Variants in LAMA2 observed in about 807,000 individuals in gnomAD.
LAMA2 encodes the protein laminin subunit alpha 2, also known as laminin subunit alpha-2.
In LAMA2, 269 loss-of-function variants were observed where a neutral mutation model predicts 364.8. The ratio of observed to expected loss-of-function variants is 0.74; its 90% CI spans 0.67 to 0.82. The LOEUF (loss-of-function observed/expected upper bound fraction) is 0.82, where lower values mean the gene tolerates loss of function less well. Ranked by LOEUF, LAMA2 falls within the 40% of genes least tolerant of loss-of-function variation. The pLI is 0.00. For synonymous variants in LAMA2, 1,379 were observed against 1,370.6 expected, an observed-to-expected ratio of 1.01 and a Z score of -0.14; for missense variants, 3,807 against 3,873.2, an observed-to-expected ratio of 0.98 and a Z score of 0.45.
intron 1 of LAMA2, among the ~76,000 whole-genome samples, chr6:129,018,212 G>T (rs965949828): frequency 1.3e-5 from 2 of 151,940 alleles, no homozygotes; most frequent in Non-Finnish European, 2.9e-5. Context: ...GGAAACAAAA[G>T]AAGTATTTTA....
intron 32 of LAMA2, among the ~76,000 whole-genome samples, chr6:129,358,040 G>C (rs1487082437): frequency 6.6e-6 from 1 of 151,966 alleles, no homozygotes; most frequent in Admixed American, 6.6e-5. Context: ...TTATTTGAAA[G>C]GACAGTAAGT....
intron 4 of LAMA2, among the ~76,000 whole-genome samples, chr6:129,104,489 A>G (rs559834633): frequency 6.6e-6 from 1 of 152,322 alleles, no homozygotes; most frequent in Non-Finnish European, 1.5e-5. Context: ...CACTTGTCTA[A>G]AGAATTTTTG....
At chr6:129,449,749 T>TG (rs1782571944) in intron 45 of LAMA2, among the ~76,000 whole-genome samples, 1 of 151,972 alleles carries the variant, frequency 6.6e-6, no homozygotes, top group South Asian at 2.1e-4. Context: ...CTCTTAGACT[T>TG]GGAGTTCTCA....
intron 12 of LAMA2, among the ~76,000 whole-genome samples, chr6:129,205,307 G>A (rs938732021): frequency 1.3e-5 from 2 of 151,080 alleles, no homozygotes; most frequent in African/African-American, 2.4e-5. Flanking sequence ...CAGGAGAATC[G>A]CTTGAATCCA....
chr6:129,177,694 A>T lies in LAMA2; in HGVS notation c.1307-12A>T. 1 of 1,613,646 alleles carries T rather than the reference A, an allele frequency of 6.2e-7. No individual in the cohort carries two copies. The highest frequency in any genetic ancestry group is 8.5e-7 in the Non-Finnish European group (1 of 1,179,674). On this transcript the variant is annotated splice_polypyrimidine_tract_variant and intron_variant, in intron 9 of 64. Coordinates refer to ENST00000421865, the MANE Select transcript of LAMA2 (RefSeq NM_000426.4). ...TTTTAGAAATGTTGATATGTGGCTC[A>T]TCTTTCTTTAGGTTTGGCACCTGGA...
chr6:129,346,410 T>A (rs749929724), intron 30 of LAMA2, among the ~76,000 whole-genome samples: 13 of 152,226 alleles, frequency 8.5e-5, no homozygotes, highest in Non-Finnish European at 1.9e-4. Context: ...TAGCACAGAA[T>A]GTATTTTGTA....
At chr6:129,441,913 G>T (rs1782133679) in intron 43 of LAMA2, among the ~76,000 whole-genome samples, 1 of 152,118 alleles carries the variant, frequency 6.6e-6, no homozygotes, top group African/African-American at 2.4e-5. Context: ...AACCCAGAAG[G>T]GTGAGGCTGC....
chr6:129,108,033 C>A (rs950971204), intron 4 of LAMA2, among the ~76,000 whole-genome samples: 3 of 152,000 alleles, frequency 2.0e-5, no homozygotes, highest in Non-Finnish European at 4.4e-5. Flanking sequence ...TAAAAAAATT[C>A]TTTACCTTTT....
rs3062342 is a variant in LAMA2, at chr6:129,314,398, C to CAAAAAAAAA, written c.3412-244_3412-236dup. Among the ~76,000 whole-genome samples the CAAAAAAAAA allele has an allele frequency of 6.0e-4, 49 of 81,864 alleles. 1 individual carries two copies. Among genetic ancestry groups the CAAAAAAAAA allele is most frequent in the African/African-American group, 2.5e-3 (46 of 18,194 alleles). 53.7% of individuals were successfully genotyped at this position (81,864 alleles called of 152,430 possible). A position where few individuals can be genotyped will look rare whatever the true frequency, so the allele number is the denominator to read the frequency against. ...TGGGCGAAAGAGCGAGACTCCGTCT[C>CAAAAAAAAA]AAAAAAAAAAAAAAAAAAAAAGTAC... On this transcript the variant is annotated intron_variant, in intron 23 of 64. Coordinates refer to ENST00000421865, the MANE Select transcript of LAMA2 (RefSeq NM_000426.4).
intron 41 of LAMA2, among the ~76,000 whole-genome samples, chr6:129,433,274 G>A (rs2114751704): frequency 6.6e-6 from 1 of 152,268 alleles, no homozygotes; most frequent in South Asian, 2.1e-4. Context: ...ACAAAGATTG[G>A]GTGTAGCAAC....
chr6:129,404,507 T>A (rs1203811083), intron 40 of LAMA2, among the ~76,000 whole-genome samples: 2 of 152,182 alleles, frequency 1.3e-5, no homozygotes, highest in Non-Finnish European at 2.9e-5. Context: ...AACAAGTATT[T>A]TAGAGTTTGG....
At chr6:129,270,772 A>G in intron 17 of LAMA2, 21 bp downstream of exon 17, 1 of 1,611,256 alleles carries the variant, frequency 6.2e-7, no homozygotes, top group Non-Finnish European at 8.5e-7. Context: ...AACTTACCCC[A>G]TGAATAAGCT....
chr6:129,437,569 A>G (rs2114759161), intron 41 of LAMA2, among the ~76,000 whole-genome samples: 1 of 152,210 alleles, frequency 6.6e-6, no homozygotes, highest in South Asian at 2.1e-4. Flanking sequence ...ATTAGTACGC[A>G]TGTCCCAAAA....
chr6:129,408,627 C>T (rs1478967223), intron 40 of LAMA2, among the ~76,000 whole-genome samples: 4 of 152,178 alleles, frequency 2.6e-5, no homozygotes, highest in African/African-American at 7.2e-5. Flanking sequence ...ATATAATCAA[C>T]CTGCCACCAA....
At chr6:129,134,153 C>T (rs1047299237) in intron 4 of LAMA2, among the ~76,000 whole-genome samples, 5 of 152,140 alleles carry the variant, frequency 3.3e-5, no homozygotes, top group African/African-American at 4.8e-5. Context: ...CTGATTGTTC[C>T]GTCTCACCAA....
chr6:129,370,257 G>A (rs1333817337), intron 34 of LAMA2, among the ~76,000 whole-genome samples: 1 of 152,212 alleles, frequency 6.6e-6, no homozygotes, highest in Non-Finnish European at 1.5e-5. Flanking sequence ...AGTAGCCTCC[G>A]TGGTAAAGTT....
chr6:129,139,698 A>T (rs1054633754), intron 4 of LAMA2, among the ~76,000 whole-genome samples: 2 of 152,032 alleles, frequency 1.3e-5, no homozygotes, highest in Non-Finnish European at 2.9e-5. Flanking sequence ...TTTCTCCCCA[A>T]ATAATGCCAT....
intron 1 of LAMA2, among the ~76,000 whole-genome samples, chr6:128,937,598 A>G (rs12333077): frequency 0.083 from 12,558 of 152,030 alleles, 991 homozygotes; most frequent in African/African-American, 0.2. Flanking sequence ...ATAATTGTTC[A>G]TAGCAGTCTC....
chr6:128,979,080 A>G (rs1782704919), intron 1 of LAMA2, among the ~76,000 whole-genome samples: 1 of 152,236 alleles, frequency 6.6e-6, no homozygotes, highest in East Asian at 1.9e-4. Context: ...ACTTGGGTCA[A>G]CAAACATTCT....
Sources: allele counts gnomAD v4.1 joint callset (sites outside exome capture counted in the v4.1 genomes callset), GRCh38; gene constraint gnomAD v4.1.1; transcripts MANE v1.5; gene names NCBI Gene and HGNC (gene_info 2026-07-23, HGNC 2026-07-21).